Variants in TTN observed in about 807,000 individuals in gnomAD.
TTN encodes the protein titin.
TTN carries 1,525 observed loss-of-function variants against 3,223.0 expected under a neutral mutation model. That is an observed-to-expected ratio of 0.47 (90% CI 0.45 to 0.49). The LOEUF (loss-of-function observed/expected upper bound fraction) is 0.49. TTN is among the 20% of genes least tolerant of loss of function. The pLI is 0.00. For synonymous variants in TTN, 14,094 were observed against 15,161.0 expected (o/e 0.93, Z 5.17); for missense variants, 40,786 against 43,424.0 (o/e 0.94, Z 5.40).
rs1018191678 is a variant in TTN at position 178,799,928 on chromosome 2, T to C, written c.584-18A>G. 4.3e-6 allele frequency: 7 copies of C among 1,613,330 alleles called. No individual in the cohort carries two copies. Among genetic ancestry groups the C allele is most frequent in the Non-Finnish European group, 5.1e-6 (6 of 1,179,438 alleles). On this transcript the variant is annotated intron_variant, in intron 4 of 362. Transcript: ENST00000589042. ...TTCTTCACCTGTGGGAAGGGAAAGA[T>C]GAATGTTTGGGAGGGGGCACAATGA...
At chr2:178,699,788 T>G (rs1470505705) in intron 111 of TTN, among the ~76,000 whole-genome samples, 3 of 130,842 alleles carry the variant, frequency 2.3e-5, no homozygotes, top group Non-Finnish European at 4.7e-5. Flanking sequence ...GTGCAGTGGC[T>G]CGATCTCGGC....
rs2079983036 is a variant in TTN, at chr2:178,729,393, T to C, written c.18763A>G (p.Asn6255Asp). Reference sequence around the variant, plus strand: ...GGGTCACACTTGGTTATATGGAGGTTAAACACAGACACTCTGTCGGTCAAT... The same window carrying C: ...GGGTCACACTTGGTTATATGGAGGTCAAACACAGACACTCTGTCGGTCAAT... ...YTLTDRVSVF[N>D]LHITKCDPSD... Residue 6255 changes from asparagine (N) to aspartate (D), a missense_variant, in exon 64 of 363, where the codon AAC becomes GAC. Coordinates refer to ENST00000589042, the MANE Select transcript of TTN (RefSeq NM_001267550.2). The C allele has an allele frequency of 1.2e-6, 2 of 1,613,538 alleles. No individual in the cohort carries two copies. The highest frequency in any genetic ancestry group is 2.2e-5 in the South Asian group (2 of 91,088).
chr2:178,788,048 A>G (rs1282162264), intron 13 of TTN, among the ~76,000 whole-genome samples: 1 of 152,074 alleles, frequency 6.6e-6, no homozygotes, highest in Non-Finnish European at 1.5e-5. Context: ...GAATCTAACC[A>G]TCTCTATTGT....
chr2:178,573,051 C>G lies in TTN; in HGVS notation c.73081G>C (p.Glu24361Gln). The change falls in exon 326 of 363, where the codon GAG becomes CAG. Residue 24361 changes from glutamate to glutamine, a missense_variant. By Grantham distance (29) the Glu-to-Gln change is conservative. Transcript: ENST00000589042. The stretch of plus-strand genomic sequence containing the variant: ...TCATCTTCCTCTGGCAGGGCAATCT[C>G]AACCATATACCCAGTGATTTCTGAA... Reference protein sequence around the residue: ...GGSEITGYMVEIALPEEDEWQ... With the variant: ...GGSEITGYMVQIALPEEDEWQ... 1 of 1,613,188 alleles carries G rather than the reference C, an allele frequency of 6.2e-7. No individual in the cohort carries two copies.
Position 178,542,894 on chromosome 2 carries a change from A to G in TTN, c.96960T>C (p.Ala32320=), listed in dbSNP as rs141431591. The change falls in exon 348 of 363, where the codon GCT becomes GCC. Residue 32320 remains alanine (A), a synonymous_variant. Transcript: ENST00000589042. The part of the protein sequence containing the change: ...TMPQKTIHVP[A]GRPVELVIPI... ...GTATCACCAGCTCTACTGGTCTGCC[A>G]GCTGGGACATGGATGGTCTTCTGAG... 51 of 1,613,528 alleles carry G rather than the reference A, an allele frequency of 3.2e-5. No homozygotes were observed. Among genetic ancestry groups the G allele is most frequent in the Non-Finnish European group, 3.7e-5 (44 of 1,179,492 alleles).
rs2060367682 is a variant in TTN, at chr2:178,635,831, A to G, written c.41609-116T>C. 3 of 1,502,584 alleles carry G rather than the reference A, an allele frequency of 2.0e-6. No homozygotes were observed. In the Admixed American group the frequency reaches 6.8e-5, roughly 34 times the overall value. 93.1% of individuals were successfully genotyped at this position (1,502,584 alleles called of 1,614,324 possible). Reference sequence around the variant, plus strand: ...TCACAATACTGGGCATAATTAATCCACTGTAGGATATATTGTTATTCCCCT... The same window carrying G: ...TCACAATACTGGGCATAATTAATCCGCTGTAGGATATATTGTTATTCCCCT... On this transcript the variant is annotated intron_variant, in intron 226 of 362. Coordinates refer to ENST00000589042, the MANE Select transcript of TTN (RefSeq NM_001267550.2).
chr2:178,679,093 G>A (rs150545120), intron 142 of TTN, among the ~76,000 whole-genome samples: 1 of 151,978 alleles, frequency 6.6e-6, no homozygotes, highest in Admixed American at 6.6e-5. Flanking sequence ...ATATGCAAAA[G>A]GAATGTATTT....
Position 178,719,587 on chromosome 2 carries a change from T to A in TTN, c.23905A>T (p.Lys7969Ter). The change falls in exon 82 of 363, where the codon AAA becomes TAA. Residue 7969 changes from lysine (K) to a stop codon, truncating the protein, a stop_gained. Coordinates refer to ENST00000589042, the MANE Select transcript of TTN (RefSeq NM_001267550.2). LOFTEE classifies it high-confidence loss of function. Reference sequence around the variant, plus strand: ...TGGACGGATACAGTGCAGTTACTTTTGCCAACACTGTTTTTCACTTCAAAG... The same window carrying A: ...TGGACGGATACAGTGCAGTTACTTTAGCCAACACTGTTTTTCACTTCAAAG... ...YSFEVKNSVG[K>*]SNCTVSVHVS... 1 of 1,611,888 alleles carries A rather than the reference T, an allele frequency of 6.2e-7. No homozygotes were observed. The highest frequency in any genetic ancestry group is 8.5e-7 in the Non-Finnish European group (1 of 1,178,214).
intron 359 of TTN, 40 bp from the exon 360 acceptor site, chr2:178,529,259 G>A: frequency 7.3e-7 from 1 of 1,365,494 alleles, no homozygotes; most frequent in Middle Eastern, 2.0e-4. Flanking sequence ...TAATTAGAAA[G>A]AGACCCCCAC....
chr2:178,673,516 C>T, intron 152 of TTN, 117 bp downstream of exon 152: 1 of 659,828 alleles, frequency 1.5e-6, no homozygotes, highest in Non-Finnish European at 2.4e-6. Flanking sequence ...TTTTACTGGT[C>T]CTTAATCAGT....
rs1469317465 is a variant in TTN, at chr2:178,531,570, C to T, written c.105045G>A (p.Val35015=). The change falls in exon 358 of 363, where the codon GTG becomes GTA. Residue 35015 remains valine, a synonymous_variant. Transcript: ENST00000589042. The part of the protein sequence containing the change: ...HTDDSGTYRA[V]CTNYKGEASD... ...AAGCTTCGCCCTTGTAGTTGGTGCA[C>T]ACAGCACGGTAGGTTCCACTGTCAT... 3 of 1,613,986 alleles carry T rather than the reference C, an allele frequency of 1.9e-6. No individual in the cohort carries two copies. The highest frequency in any genetic ancestry group is 2.5e-6 in the Non-Finnish European group (3 of 1,179,886).
chr2:178,664,139 G>C, intron 168 of TTN, 41 bp from the exon 169 acceptor site: 1 of 1,531,262 alleles, frequency 6.5e-7, no homozygotes, highest in Non-Finnish European at 8.9e-7. Context: ...AAAATACAGA[G>C]ATTACTAGAT....
intron 141 of TTN, 40 bp downstream of exon 141, chr2:178,679,559 A>T (rs572302051): frequency 6.3e-7 from 1 of 1,595,682 alleles, no homozygotes. Context: ...TTCTAGGCAG[A>T]TGAAGTCTCT....
chr2:178,581,837 A>G (rs1277754686), intron 315 of TTN, 33 bp from the exon 316 acceptor site: 2 of 1,597,382 alleles, frequency 1.3e-6, no homozygotes, highest in Non-Finnish European at 1.7e-6. Flanking sequence ...AATTTTCATG[A>G]AAACTTCCTT....
rs747377115 is a variant in TTN, at chr2:178,774,999, T to G, written c.6712A>C (p.Thr2238Pro). 1.1e-5 allele frequency: 18 copies of G among 1,614,062 alleles called. No homozygotes were observed. The highest frequency in any genetic ancestry group is 1.5e-5 in the Non-Finnish European group (18 of 1,179,958). The change falls in exon 29 of 363, where the codon ACG becomes CCG. Residue 2238 changes from threonine to proline, a missense_variant. Thr to Pro is a conservative substitution (Grantham distance 38). Coordinates refer to ENST00000589042, the MANE Select transcript of TTN (RefSeq NM_001267550.2). The stretch of plus-strand genomic sequence containing the variant: ...CAGCTGTAATCTTCAGCATCAGACG[T>G]ATCAATGGTCAGTATGGAGAGGAAG... ...VHFLSILTIDTSDAEDYSCVL... is the reference protein window; with the variant it reads ...VHFLSILTIDPSDAEDYSCVL...
In TTN at chr2:178,705,323, C is replaced by G; in HGVS notation, c.29455G>C (p.Glu9819Gln). Residue 9819 changes from glutamate (E) to glutamine (Q), a missense_variant, in exon 103 of 363, where the codon GAG (glutamate) becomes CAG (glutamine). Coordinates refer to ENST00000589042, the MANE Select transcript of TTN (RefSeq NM_001267550.2). ...AGAAGTTCCATGATATCAATTTCCT[C>G]TTCTTCTCCAGCTCCTTTCTTTAAG... ...PILKKGAGEE[E>Q]EIDIMELLKN... The G allele has an allele frequency of 6.2e-7, 1 of 1,606,972 alleles. No homozygotes were observed. The highest frequency in any genetic ancestry group is 8.5e-7 in the Non-Finnish European group (1 of 1,176,544).
rs1341655578 is a variant in TTN, at chr2:178,567,089, A to G, written c.79043T>C (p.Val26348Ala). Residue 26348 changes from valine (V) to alanine (A), a missense_variant, in exon 326 of 363, where the codon GTT becomes GCT. By Grantham distance (64) the Val-to-Ala change is moderately conservative. Transcript: ENST00000589042. ...ASEVVTNSLK[V>A]TKLLEGNEYV... ...TTCATTACCTTCTAAGAGTTTGGTA[A>G]CTTTCAGAGAATTGGTCACAACTTC... The G allele has an allele frequency of 1.9e-6, 3 of 1,613,568 alleles. No homozygotes were observed. Among genetic ancestry groups the G allele is most frequent in the Non-Finnish European group, 2.5e-6 (3 of 1,179,614 alleles).
chr2:178,758,318 T>G (rs918914243), intron 44 of TTN, among the ~76,000 whole-genome samples: 2 of 152,248 alleles, frequency 1.3e-5, no homozygotes, highest in African/African-American at 4.8e-5. Flanking sequence ...TAAATCCTTA[T>G]GTATTTGTAT....
chr2:178,649,477 T>A (rs1350163906), intron 212 of TTN, 77 bp downstream of exon 212: 1 of 1,446,674 alleles, frequency 6.9e-7, no homozygotes, highest in Non-Finnish European at 9.3e-7. Context: ...GCAACAACAA[T>A]GAGGACAACT....
Sources: allele counts gnomAD v4.1 joint callset (sites outside exome capture counted in the v4.1 genomes callset), GRCh38; gene constraint gnomAD v4.1.1; transcripts MANE v1.5; gene names NCBI Gene and HGNC (gene_info 2026-07-23, HGNC 2026-07-21).